PCDH15: variants seen among roughly 807,000 people sequenced by gnomAD.
PCDH15 encodes protocadherin related 15.
In PCDH15, 129 loss-of-function variants were observed where a neutral mutation model predicts 178.5. That is an observed-to-expected ratio of 0.72 (90% CI 0.63 to 0.84). The LOEUF is 0.84. PCDH15 is among the 40% of genes least tolerant of loss of function. PCDH15 has a pLI of 0.00. For synonymous variants in PCDH15, 800 were observed against 732.0 expected, an observed-to-expected ratio of 1.09 and a Z score of -1.50; for missense variants, 2,230 against 2,099.9, an observed-to-expected ratio of 1.06 and a Z score of -1.21.
chr10:54,011,879 G>C (rs1427166175), intron 20 of PCDH15, among the ~76,000 whole-genome samples: 1 of 152,170 alleles, frequency 6.6e-6, no homozygotes, highest in African/African-American at 2.4e-5. Context: ...CAAAAAACAA[G>C]TGTCTTCTTT....
chr10:55,555,287 A>T (rs1015698626), intron 2 of PCDH15, among the ~76,000 whole-genome samples: 7 of 152,118 alleles, frequency 4.6e-5, no homozygotes, highest in African/African-American at 1.7e-4. Context: ...GGGCTCTTCA[A>T]TTATATAATT....
intron 2 of PCDH15, among the ~76,000 whole-genome samples, chr10:54,657,012 G>T (rs2094418111): frequency 6.6e-6 from 1 of 152,138 alleles, no homozygotes; most frequent in Admixed American, 6.5e-5. Flanking sequence ...TCCATGAAGA[G>T]TAAGACCCAT....
chr10:54,575,227 C>A (rs1244436497), intron 2 of PCDH15: 5 of 150,380 alleles, frequency 3.3e-5, no homozygotes, highest in African/African-American at 7.3e-5. Context: ...GTGCAGTGCA[C>A]CAGCATGGCA....
chr10:54,392,674 G>A (rs138191038), intron 3 of PCDH15, among the ~76,000 whole-genome samples: 2,743 of 151,740 alleles, frequency 0.018, 90 homozygotes, highest in African/African-American at 0.063. Context: ...TGAGGTGGGA[G>A]GATCACTTAA....
At chr10:54,337,102 T>A (rs1472190407) in intron 6 of PCDH15, among the ~76,000 whole-genome samples, 4 of 137,804 alleles carry the variant, frequency 2.9e-5, no homozygotes, top group Non-Finnish European at 6.1e-5. Context: ...ATTTCTCTCA[T>A]TTGGAATGTA....
At chr10:55,096,638 T>C (rs1189635039) in intron 2 of PCDH15, among the ~76,000 whole-genome samples, 1 of 151,146 alleles carries the variant, frequency 6.6e-6, no homozygotes, top group South Asian at 2.1e-4. Context: ...CATCTCCCGA[T>C]TTCCCCTACC....
intron 13 of PCDH15, among the ~76,000 whole-genome samples, chr10:54,170,326 G>C (rs1045353569): frequency 1.4e-4 from 22 of 152,082 alleles, no homozygotes; most frequent in African/African-American, 4.3e-4. Context: ...TTACACAAGA[G>C]CCAGGACCAC....
intron 1 of PCDH15, among the ~76,000 whole-genome samples, chr10:54,750,993 C>T (rs1022621748): frequency 6.6e-6 from 1 of 151,892 alleles, no homozygotes; most frequent in African/African-American, 2.4e-5. Context: ...TTATGGCTTT[C>T]TAATAAACAG....
At chr10:54,865,955 C>T (rs550587070) in intron 3 of PCDH15, among the ~76,000 whole-genome samples, 5 of 152,146 alleles carry the variant, frequency 3.3e-5, no homozygotes, top group African/African-American at 9.6e-5. Flanking sequence ...TCTAATGAAA[C>T]AAGGTTTGAA....
At chr10:54,442,414 CTATA>C (rs71007859) in intron 3 of PCDH15, among the ~76,000 whole-genome samples, 267 of 19,076 alleles carry the variant, frequency 0.014, 4 homozygotes, top group East Asian at 0.016. Context: ...GCCTTAAAGG[CTATA>C]TATATATATA....
intron 2 of PCDH15, among the ~76,000 whole-genome samples, chr10:55,390,210 A>G (rs1378629684): frequency 6.6e-6 from 1 of 152,142 alleles, no homozygotes; most frequent in African/African-American, 2.4e-5. Flanking sequence ...TTATGTCTAA[A>G]AAACAAGGTA....
intron 11 of PCDH15, 126 bp from the exon 12 acceptor site, chr10:54,185,394 A>C: frequency 9.4e-7 from 1 of 1,068,668 alleles, no homozygotes; most frequent in Non-Finnish European, 1.4e-6. Context: ...ATTTCTAACG[A>C]TAAAAGATAT....
chr10:55,302,255 T>C (rs183636785), intron 1 of PCDH15, among the ~76,000 whole-genome samples: 254 of 152,300 alleles, frequency 1.7e-3, no homozygotes, highest in Non-Finnish European at 2.8e-3. Context: ...TTTAGGTTTT[T>C]ATTAATTTAT....
chr10:55,439,190 G>A (rs529732131), intron 2 of PCDH15, among the ~76,000 whole-genome samples: 1 of 152,110 alleles, frequency 6.6e-6, no homozygotes, highest in East Asian at 1.9e-4. Context: ...CAAAGTATAA[G>A]GACCTCCAAG....
Position 54,607,619 on chromosome 10 carries a change from T to TA in PCDH15, c.91+56552dup, listed in dbSNP as rs557715521. On this transcript the variant is annotated intron_variant, in intron 2 of 37. Transcript: ENST00000644397. ...AGAGTAGAAATCAACCCATAGTCCT[T>TA]ACGATTAGAATTGCCTTAGCATAAC... Among the ~76,000 whole-genome samples, 18 of 152,190 alleles carry TA rather than the reference T, an allele frequency of 1.2e-4. No homozygotes were observed. In the South Asian group the frequency reaches 3.7e-3, roughly 32 times the overall value.
chr10:55,372,127 T>C (rs1845521043), intron 2 of PCDH15, among the ~76,000 whole-genome samples: 1 of 152,144 alleles, frequency 6.6e-6, no homozygotes, highest in African/African-American at 2.4e-5. Flanking sequence ...ATCCCATCCA[T>C]GCTCCCATTT....
intron 2 of PCDH15, among the ~76,000 whole-genome samples, chr10:54,949,221 A>G (rs1372785347): frequency 6.6e-6 from 1 of 151,988 alleles, no homozygotes; most frequent in Non-Finnish European, 1.5e-5. Flanking sequence ...AAGTTAATTG[A>G]TACACAGCTC....
At chr10:54,070,510 T>C (rs2094219818) in intron 17 of PCDH15, among the ~76,000 whole-genome samples, 1 of 152,226 alleles carries the variant, frequency 6.6e-6, no homozygotes, top group South Asian at 2.1e-4. Flanking sequence ...AGCTTACTGT[T>C]GTAATTTGAA....
chr10:54,357,996 C>T (rs567123868), intron 5 of PCDH15, among the ~76,000 whole-genome samples: 1 of 151,900 alleles, frequency 6.6e-6, no homozygotes, highest in African/African-American at 2.4e-5. Flanking sequence ...TTCCTTACAC[C>T]TTATACAAAA....
Sources: gnomAD v4.1 joint callset for allele counts (sites outside exome capture counted in the v4.1 genomes callset) on GRCh38, gnomAD v4.1.1 for gene constraint, MANE v1.5 for transcripts, NCBI Gene and HGNC (gene_info 2026-07-23, HGNC 2026-07-21) for gene names.